The following KRT84 variants were observed in gnomAD, a reference collection of about 807,000 sequenced individuals.
The protein encoded by KRT84 is keratin, type II cuticular Hb4.
In KRT84, 38 loss-of-function variants were observed where a neutral mutation model predicts 49.0. That is an observed-to-expected ratio of 0.78 (90% confidence interval 0.60 to 1.02). The LOEUF is 1.02. KRT84 is among the 50% of genes least tolerant of loss of function. The probability of loss-of-function intolerance (pLI) is 0.00; values close to 1 mark genes in which losing one functional copy is unlikely to be tolerated. For missense variants in KRT84, 860 were observed against 788.6 expected (o/e 1.09, Z -1.08); for synonymous variants, 334 against 312.8 (o/e 1.07, Z -0.72).
At chr12:52,385,672 C>T (rs1267189869), upstream of KRT84, 14 of 1,297,552 alleles carry the variant, frequency 1.1e-5, no homozygotes, top group Admixed American at 3.7e-5. Flanking sequence ...GGAACCCTTG[C>T]ACCCCTTTTA....
In KRT84 at chr12:52,380,557, G is replaced by A. The variant is rs772537734; in HGVS notation, c.1230C>T (p.Ala410=). The A allele has an allele frequency of 8.1e-6, 13 of 1,612,972 alleles. No individual in the cohort carries two copies. The South Asian group carries it at 8.8e-5, about 11-fold the overall frequency. ...AQRAKLEAAV[A]EAEQQGEATL... Reference sequence around the variant, plus strand: ...TCGCCTCGCCCTGCTGCTCGGCCTCGGCCACTGCAGCCTCCAACTTGGCAC... The same window carrying A: ...TCGCCTCGCCCTGCTGCTCGGCCTCAGCCACTGCAGCCTCCAACTTGGCAC... The change falls in exon 7 of 9, where the codon GCC becomes GCT. Residue 410 remains alanine (A), a synonymous_variant. Transcript: ENST00000257951.
chr12:52,384,941 A>G (rs1939546817), intron 1 of KRT84, 99 bp downstream of exon 1: 1 of 1,254,402 alleles, frequency 8.0e-7, no homozygotes, highest in African/African-American at 1.5e-5. Context: ...GTCAAGGTCA[A>G]GTCCCCAGAA....
chr12:52,384,014 T>G (rs1384048893), intron 1 of KRT84, among the ~76,000 whole-genome samples: 3 of 152,254 alleles, frequency 2.0e-5, no homozygotes, highest in Admixed American at 6.5e-5. Context: ...TATGGGGTTT[T>G]GAACCATAGC....
At chr12:52,379,530 C>T (rs1293905060) in intron 8 of KRT84, among the ~76,000 whole-genome samples, 1 of 152,222 alleles carries the variant, frequency 6.6e-6, no homozygotes, top group Non-Finnish European at 1.5e-5. Flanking sequence ...GGATGAGAGG[C>T]TCCCCTGGCA....
chr12:52,379,470 C>T (rs918774482), intron 8 of KRT84, among the ~76,000 whole-genome samples: 1 of 152,230 alleles, frequency 6.6e-6, no homozygotes, highest in African/African-American at 2.4e-5. Flanking sequence ...GCTTCGGCTG[C>T]AGCAGTGGGG....
Position 52,385,328 on chromosome 12 carries a change from AC to A in KRT84, c.257del (p.Gly86ValfsTer55). ...GACCAACACCTCTCCCATCACCAAA[AC>A]CCATCCCACAGCCAGCACCAAAGCG... ...GVRFGAGCGM[G>X]FGDGRGVGLG... On this transcript the variant is annotated frameshift_variant, in exon 1 of 9. Transcript: ENST00000257951. LOFTEE classifies it high-confidence loss of function. The A allele has an allele frequency of 6.2e-7, 1 of 1,613,552 alleles. No homozygotes were observed. The highest frequency in any genetic ancestry group is 8.5e-7 in the Non-Finnish European group (1 of 1,179,924).
intron 8 of KRT84, among the ~76,000 whole-genome samples, chr12:52,379,361 G>T (rs1400182746): frequency 3.3e-5 from 5 of 152,240 alleles, no homozygotes; most frequent in African/African-American, 1.2e-4. Context: ...TTCTCAAGAA[G>T]ATTCTATTTC....
chr12:52,379,799 A>C, intron 8 of KRT84, 77 bp downstream of exon 8: 1 of 1,254,874 alleles, frequency 8.0e-7, no homozygotes, highest in Non-Finnish European at 1.2e-6. Flanking sequence ...ACGCCTCCTG[A>C]CCCCAGTGTG....
At chr12:52,382,334 A>G in intron 4 of KRT84, 103 bp downstream of exon 4, 1 of 758,168 alleles carries the variant, frequency 1.3e-6, no homozygotes, top group Non-Finnish European at 2.3e-6. Flanking sequence ...GGAAAGATAT[A>G]TGATAGCAAA....
intron 1 of KRT84, among the ~76,000 whole-genome samples, 190 bp downstream of exon 1, chr12:52,384,850 C>T (rs1447448787): frequency 6.6e-6 from 1 of 152,176 alleles, no homozygotes; most frequent in Admixed American, 6.5e-5. Flanking sequence ...GCAGCTCGTC[C>T]TCTGGCTTGG....
intron 1 of KRT84, 94 bp from the exon 2 acceptor site, chr12:52,383,892 CAT>C (rs1939530706): frequency 2.0e-6 from 2 of 995,296 alleles, no homozygotes; most frequent in South Asian, 3.0e-5. Context: ...GACTTGACCA[CAT>C]GTCGACAGGG....
At position 52,381,475 on chromosome 12, in the gene KRT84, C is replaced by T. The variant is rs1389739104; in HGVS notation, c.963G>A (p.Lys321=). The T allele has an allele frequency of 6.2e-7, 1 of 1,614,178 alleles. No homozygotes were observed. The highest frequency in any genetic ancestry group is 8.5e-7 in the Non-Finnish European group (1 of 1,180,046). Residue 321 remains lysine, a synonymous_variant, in exon 5 of 9, where the codon AAG becomes AAA. Coordinates refer to ENST00000257951, the MANE Select transcript of KRT84 (RefSeq NM_033045.4). ...GGTTCAGGTCACGGCTGTTGTCCAT[C>T]TTCACAATGACCGACGTCTCTGAGA... is the stretch of plus-strand genomic sequence containing the variant. The part of the protein sequence containing the change: ...SHISETSVIV[K]MDNSRDLNLD...
At chr12:52,379,779 G>T in intron 8 of KRT84, 97 bp downstream of exon 8, 1 of 980,986 alleles carries the variant, frequency 1.0e-6, no homozygotes, top group Non-Finnish European at 1.6e-6. Context: ...GGCCAGACCG[G>T]CCATGTCGGA....
At chr12:52,380,024 G>A (rs1271804141) in intron 7 of KRT84, 117 bp from the exon 8 acceptor site, 3 of 865,912 alleles carry the variant, frequency 3.5e-6, no homozygotes. Flanking sequence ...TCTCACCCCT[G>A]GTTATACACA....
chr12:52,385,633 C>G lies in KRT84; in HGVS notation c.-48G>C. The G allele has an allele frequency of 1.9e-6, 3 of 1,572,298 alleles. No individual in the cohort carries two copies. Among genetic ancestry groups the G allele is most frequent in the Non-Finnish European group, 2.6e-6 (3 of 1,155,446 alleles). ...AAAGAGCAAGTGTAGAATGGGTGAG[C>G]TGGAGCTGGGAGTCCCTCTGAGGCC... On this transcript the variant is annotated 5_prime_UTR_variant, in exon 1 of 9. Transcript: ENST00000257951.
Position 52,383,066 on chromosome 12 carries a change from C to T in KRT84, c.756-1G>A. The T allele has an allele frequency of 6.2e-7, 1 of 1,613,536 alleles. No individual in the cohort carries two copies. Among genetic ancestry groups the T allele is most frequent in the Non-Finnish European group, 8.5e-7 (1 of 1,179,540 alleles). On this transcript the variant is annotated splice_acceptor_variant, in intron 2 of 8. Transcript: ENST00000257951. LOFTEE classifies it high-confidence loss of function. Reference sequence around the variant, plus strand: ...CCGACATACCACTTCCTCTTCATACCTGATGATAAAGGTTAAGAGGGTGAG... The same window carrying T: ...CCGACATACCACTTCCTCTTCATACTTGATGATAAAGGTTAAGAGGGTGAG...
chr12:52,383,892 C>T, intron 1 of KRT84, 94 bp from the exon 2 acceptor site: 1 of 995,414 alleles, frequency 1.0e-6, no homozygotes, highest in South Asian at 1.5e-5. Flanking sequence ...GACTTGACCA[C>T]ATGTCGACAG....
At position 52,383,654 on chromosome 12, in the gene KRT84, C is replaced by T; in HGVS notation, c.691G>A (p.Asp231Asn). The T allele has an allele frequency of 2.5e-6, 4 of 1,614,134 alleles. No homozygotes were observed. Among genetic ancestry groups the T allele is most frequent in the Non-Finnish European group, 2.5e-6 (3 of 1,180,046 alleles). The change falls in exon 2 of 9, where the codon GAT becomes AAT. Residue 231 changes from aspartate to asparagine, a missense_variant. By Grantham distance (23) the Asp-to-Asn change is conservative. Coordinates refer to ENST00000257951, the MANE Select transcript of KRT84 (RefSeq NM_033045.4). ...CTCTCAGCCTGGAGCCGGGCCTGAT[C>T]ACTGACCAGCACCTCCAACTGCCTC... is the stretch of plus-strand genomic sequence containing the variant. The part of the protein sequence containing the change: ...LRRQLEVLVS[D>N]QARLQAERNH...
chr12:52,378,363 C>T lies in KRT84; in HGVS notation c.1474G>A (p.Gly492Ser). ...GGCTCAGGCCCGCACACCAGGCCGC[C>T]CCGGGAGCTGCTGACGGCTGCGGAG... Reference protein sequence around the residue: ...PVNISVSSSRGGLVCGPEPLV... With the variant: ...PVNISVSSSRSGLVCGPEPLV... Residue 492 changes from glycine to serine, a missense_variant, in exon 9 of 9, where the codon GGC (glycine) becomes AGC (serine). Physicochemically the swap from Gly to Ser is moderately conservative, Grantham distance 56. Coordinates refer to ENST00000257951, the MANE Select transcript of KRT84 (RefSeq NM_033045.4). 6.8e-7 allele frequency: 1 copy of T among 1,469,924 alleles called. No homozygotes were observed. The highest frequency in any genetic ancestry group is 9.0e-7 in the Non-Finnish European group (1 of 1,114,084). 91.1% of individuals were successfully genotyped at this position (1,469,924 alleles called of 1,614,324 possible).
Sources: allele counts gnomAD v4.1 joint callset (sites outside exome capture counted in the v4.1 genomes callset), GRCh38; gene constraint gnomAD v4.1.1; transcripts MANE v1.5; gene names NCBI Gene and HGNC (gene_info 2026-07-23, HGNC 2026-07-21).